Variants in FSTL4 observed in about 807,000 individuals in gnomAD.
The protein encoded by FSTL4 is follistatin-related protein 4.
In FSTL4, 28 loss-of-function variants were observed where a neutral mutation model predicts 78.2. The ratio of observed to expected loss-of-function variants is 0.36; its 90% CI spans 0.27 to 0.49. The LOEUF is 0.49. FSTL4 is among the 20% of genes least tolerant of loss of function. The pLI, the probability that FSTL4 is intolerant of heterozygous loss-of-function variation, is 0.98. For missense variants in FSTL4, 922 were observed against 1,084.9 expected, an observed-to-expected ratio of 0.85 and a Z score of 2.11; for synonymous variants, 422 against 440.5, an observed-to-expected ratio of 0.96 and a Z score of 0.53.
At chr5:133,737,602 C>CTTTTTT in the FSTL4 span, among the ~76,000 whole-genome samples, 7 of 117,626 alleles carry the variant, frequency 6.0e-5, no homozygotes, top group African/African-American at 1.3e-4. Context: ...GGCTGATTTC[C>CTTTTTT]TTTTTTTTTT....
At chr5:133,391,515 C>T (rs867401863) in intron 4 of FSTL4, among the ~76,000 whole-genome samples, 36 of 152,282 alleles carry the variant, frequency 2.4e-4, no homozygotes, top group Middle Eastern at 6.8e-3. Context: ...GTGGGCCTCA[C>T]GGAGTAATGA....
chr5:133,200,126 T>C (rs149714128), intron 15 of FSTL4, among the ~76,000 whole-genome samples: 1 of 152,346 alleles, frequency 6.6e-6, no homozygotes, highest in East Asian at 1.9e-4. Context: ...CTGAGGCCCA[T>C]GCCAGCTAGA....
chr5:133,624,822 A>G, the FSTL4 span, among the ~76,000 whole-genome samples: 3 of 151,566 alleles, frequency 2.0e-5, no homozygotes, highest in Non-Finnish European at 4.4e-5. Flanking sequence ...CATCTTGTCT[A>G]TATCTACAGA....
At chr5:133,776,280 C>T in the FSTL4 span, among the ~76,000 whole-genome samples, 1 of 152,264 alleles carries the variant, frequency 6.6e-6, no homozygotes, top group East Asian at 1.9e-4. Context: ...GTGTTTATGT[C>T]CCAAGCTGCC....
At chr5:133,449,466 C>A (rs138000865) in intron 3 of FSTL4, among the ~76,000 whole-genome samples, 3 of 152,166 alleles carry the variant, frequency 2.0e-5, no homozygotes, top group Non-Finnish European at 4.4e-5. Context: ...CTAACACGCG[C>A]GGGCCTCTGA....
At chr5:133,450,060 T>C (rs143326717) in intron 3 of FSTL4, among the ~76,000 whole-genome samples, 318 of 152,288 alleles carry the variant, frequency 2.1e-3, no homozygotes, top group Middle Eastern at 0.01. Flanking sequence ...TACAAGTGGC[T>C]TTGGAATAGC....
chr5:133,468,865 C>T (rs1343384536), intron 3 of FSTL4, among the ~76,000 whole-genome samples: 1 of 152,116 alleles, frequency 6.6e-6, no homozygotes, highest in Non-Finnish European at 1.5e-5. Flanking sequence ...ATACGTTACA[C>T]AATAACACAC....
chr5:133,468,365 G>A (rs1296121605), intron 3 of FSTL4, among the ~76,000 whole-genome samples: 1 of 152,244 alleles, frequency 6.6e-6, no homozygotes, highest in African/African-American at 2.4e-5. Context: ...GGATGGGTGG[G>A]AATGATAAGC....
chr5:133,721,295 A>G, the FSTL4 span, among the ~76,000 whole-genome samples: 1 of 152,176 alleles, frequency 6.6e-6, no homozygotes, highest in East Asian at 1.9e-4. Flanking sequence ...AACTTTCATA[A>G]TAGAAATTTA....
At chr5:133,531,166 C>T (rs746502964) in intron 3 of FSTL4, among the ~76,000 whole-genome samples, 1 of 152,188 alleles carries the variant, frequency 6.6e-6, no homozygotes, top group African/African-American at 2.4e-5. Context: ...TCTCTTCACA[C>T]GGTTTCTTTC....
the FSTL4 span, among the ~76,000 whole-genome samples, chr5:133,679,981 T>C: frequency 1.3e-5 from 2 of 152,184 alleles, no homozygotes; most frequent in African/African-American, 4.8e-5. Flanking sequence ...TGGATAAGAC[T>C]GTACTAGAAC....
intron 4 of FSTL4, among the ~76,000 whole-genome samples, chr5:133,324,485 A>G (rs1359496109): frequency 6.6e-6 from 1 of 152,210 alleles, no homozygotes; most frequent in Non-Finnish European, 1.5e-5. Context: ...TCCCTCGCCT[A>G]ACACACCAAT....
chr5:133,546,269 G>C (rs562108515), intron 3 of FSTL4, among the ~76,000 whole-genome samples: 1 of 152,270 alleles, frequency 6.6e-6, no homozygotes, highest in African/African-American at 2.4e-5. Flanking sequence ...CATTTTGGGA[G>C]GCCAAGGTGG....
the FSTL4 span, among the ~76,000 whole-genome samples, chr5:133,674,807 C>T: frequency 3.9e-5 from 6 of 152,116 alleles, no homozygotes; most frequent in African/African-American, 4.8e-5. Context: ...TGCTCATAGG[C>T]GTTAGGGTAG....
intron 7 of FSTL4, chr5:133,247,510 C>A (rs1752076965): frequency 1.3e-5 from 2 of 152,266 alleles, no homozygotes; most frequent in South Asian, 2.1e-4. Context: ...TCTTTCCTGG[C>A]CAAACATGTT....
chr5:133,417,007 T>C (rs1006863207), intron 3 of FSTL4, among the ~76,000 whole-genome samples: 4 of 152,170 alleles, frequency 2.6e-5, no homozygotes, highest in Non-Finnish European at 5.9e-5. Flanking sequence ...CTTGAAAAAA[T>C]AGGGCATCCA....
At chr5:133,398,734 G>A (rs1756136905) in intron 4 of FSTL4, among the ~76,000 whole-genome samples, 2 of 152,142 alleles carry the variant, frequency 1.3e-5, no homozygotes, top group Admixed American at 1.3e-4. Context: ...TCGAGGAAAA[G>A]GCCCAGAGAA....
intron 12 of FSTL4, among the ~76,000 whole-genome samples, chr5:133,217,928 G>A (rs56132027): frequency 0.13 from 20,143 of 152,090 alleles, 1,744 homozygotes; most frequent in East Asian, 0.22. Flanking sequence ...GGTGTCCAGG[G>A]TTCACGCCTA....
the FSTL4 span, among the ~76,000 whole-genome samples, chr5:133,673,247 T>C: frequency 6.6e-6 from 1 of 152,196 alleles, no homozygotes; most frequent in African/African-American, 2.4e-5. Flanking sequence ...GGTATTTTCC[T>C]TTCACAAACT....
Sources: allele counts gnomAD v4.1 joint callset (sites outside exome capture counted in the v4.1 genomes callset), GRCh38; gene constraint gnomAD v4.1.1; transcripts MANE v1.5; gene names NCBI Gene and HGNC (gene_info 2026-07-23, HGNC 2026-07-21).